TRAPPC2: variants seen among roughly 807,000 people sequenced by gnomAD.
TRAPPC2 encodes the protein trafficking protein particle complex subunit 2.
In TRAPPC2, 4 loss-of-function variants were observed where a neutral mutation model predicts 10.0. The ratio of observed to expected loss-of-function variants is 0.40; its 90% CI spans 0.20 to 0.92. The LOEUF (loss-of-function observed/expected upper bound fraction) is 0.92, where lower values mean the gene tolerates loss of function less well. TRAPPC2 is among the 40% of genes least tolerant of loss of function. TRAPPC2 has a pLI of 0.35. For synonymous variants in TRAPPC2, 36 were observed against 37.3 expected, an observed-to-expected ratio of 0.97 and a Z score of 0.12; for missense variants, 52 against 108.7, an observed-to-expected ratio of 0.48 and a Z score of 2.32.
intron 2 of TRAPPC2, 104 bp from the exon 3 acceptor site, chrX:13,720,086 G>A: frequency 1.7e-6 from 1 of 579,523 alleles, no homozygotes; most frequent in Non-Finnish European, 2.5e-6. Flanking sequence ...ACCTGACATT[G>A]TAGAGGAAGA....
intron 3 of TRAPPC2, among the ~76,000 whole-genome samples, chrX:13,719,019 C>T (rs750821383): frequency 8.2e-5 from 9 of 110,318 alleles, no homozygotes; most frequent in Non-Finnish European, 1.5e-4. Context: ...TAGCCTGGCA[C>T]AGTGGTGCGC....
intron 3 of TRAPPC2, 132 bp from the exon 4 acceptor site, chrX:13,716,810 G>T: frequency 2.1e-6 from 1 of 468,054 alleles, no homozygotes; most frequent in Non-Finnish European, 3.4e-6. Flanking sequence ...CTTTGTTATT[G>T]TCATGAGACT....
intron 2 of TRAPPC2, among the ~76,000 whole-genome samples, chrX:13,730,742 A>G (rs1189480232): frequency 3.6e-5 from 4 of 111,477 alleles, no homozygotes; most frequent in African/African-American, 1.3e-4. Flanking sequence ...CAGCCATAAA[A>G]AAGGATGAGT....
intron 2 of TRAPPC2, chrX:13,721,023 T>C (rs1447881706): frequency 1.8e-5 from 1 of 56,473 alleles, no homozygotes; most frequent in Non-Finnish European, 3.2e-5. Flanking sequence ...TGAGACCCTG[T>C]CTCAAAAAAA....
chrX:13,723,575 C>A (rs2046473800), intron 2 of TRAPPC2, among the ~76,000 whole-genome samples: 1 of 111,865 alleles, frequency 8.9e-6, no homozygotes, highest in Non-Finnish European at 1.9e-5. Flanking sequence ...AAAGCAACTG[C>A]CATTACTGAA....
chrX:13,723,914 T>C (rs1172140329), intron 2 of TRAPPC2, among the ~76,000 whole-genome samples: 2 of 111,379 alleles, frequency 1.8e-5, no homozygotes, highest in African/African-American at 6.5e-5. Flanking sequence ...GATAGGAACA[T>C]TGTCCTGGAT....
chrX:13,715,821 A>C (rs898506928), intron 5 of TRAPPC2, 183 bp downstream of exon 5: 2 of 972,672 alleles, frequency 2.1e-6, no homozygotes, highest in Non-Finnish European at 2.6e-6. Context: ...TGTGTTCCTA[A>C]ATACATATTC....
rs952542582 is a variant in TRAPPC2, at chrX:13,712,315, C to T, written c.*2092G>A. On this transcript the variant is annotated 3_prime_UTR_variant, in exon 6 of 6. Transcript: ENST00000380579. Reference sequence around the variant, plus strand: ...TGCAATTTCACACAAGGATACAAGACAAAGCTTAGAATTACTTGCTCAAAA... The same window carrying T: ...TGCAATTTCACACAAGGATACAAGATAAAGCTTAGAATTACTTGCTCAAAA... 8.9e-6 allele frequency: 1 copy of T among 112,236 alleles called. No homozygotes were observed. Among genetic ancestry groups the T allele is most frequent in the African/African-American group, 3.2e-5 (1 of 30,886 alleles). 9.2% of individuals were successfully genotyped at this position (112,236 alleles called of 1,213,427 possible).
rs1046876502 is a variant in TRAPPC2 at position 13,724,580 on chromosome X, G to C, written c.-19-4598C>G. Among the ~76,000 whole-genome samples the C allele has an allele frequency of 2.7e-5, 3 of 111,551 alleles. No individual in the cohort carries two copies. The East Asian group carries it at 8.5e-4, about 31-fold the overall frequency. ...GCAAGCATGGAAGAAACAAGGTTAG[G>C]CAGGCTGCGAACCTCAAGATAGGTA... is the stretch of plus-strand genomic sequence containing the variant. On this transcript the variant is annotated intron_variant, in intron 2 of 5. Coordinates refer to ENST00000380579, the MANE Select transcript of TRAPPC2 (RefSeq NM_001011658.4).
intron 2 of TRAPPC2, among the ~76,000 whole-genome samples, chrX:13,730,627 T>C (rs976820565): frequency 2.7e-5 from 3 of 111,847 alleles, no homozygotes; most frequent in Admixed American, 1.9e-4. Context: ...CGTATGTTTA[T>C]TGTGGCACTA....
intron 2 of TRAPPC2, chrX:13,722,208 C>CAAAAAAAAAAAAAAAAAAAAAAAAA (rs748574644): frequency 8.3e-5 from 3 of 36,116 alleles, no homozygotes; most frequent in African/African-American, 1.2e-4. Context: ...TAAGCAGCAG[C>CAAAAAAAAAAAAAAAAAAAAAAAAA]AAAAAAAAAA....
chrX:13,717,453 A>AT (rs895437687), intron 3 of TRAPPC2, among the ~76,000 whole-genome samples: 9 of 112,103 alleles, frequency 8.0e-5, no homozygotes, highest in African/African-American at 2.9e-4. Flanking sequence ...TTGAAAATAC[A>AT]TTTTTTGGCC....
At chrX:13,727,011 G>A (rs1351680920) in intron 2 of TRAPPC2, among the ~76,000 whole-genome samples, 1 of 111,889 alleles carries the variant, frequency 8.9e-6, no homozygotes, top group Non-Finnish European at 1.9e-5. Flanking sequence ...AGACAAAGAA[G>A]GCCATTACAT....
Position 13,715,332 on chromosome X carries a change from G to A in TRAPPC2, c.324+672C>T, listed in dbSNP as rs1602706447. ...TACTGAAAATACAAAAATTAGCTGG[G>A]TGTGGTGGTGCACACTTGTGGTCCC... On this transcript the variant is annotated intron_variant, in intron 5 of 5. Coordinates refer to ENST00000380579, the MANE Select transcript of TRAPPC2 (RefSeq NM_001011658.4). Among the ~76,000 whole-genome samples, 6 of 112,071 alleles carry A rather than the reference G, an allele frequency of 5.4e-5. No individual in the cohort carries two copies. The Admixed American group carries it at 5.6e-4, about 11-fold the overall frequency.
chrX:13,722,346 C>T (rs2046438425), intron 2 of TRAPPC2: 1 of 110,220 alleles, frequency 9.1e-6, no homozygotes, highest in Admixed American at 9.7e-5. Context: ...CAGCATGGCG[C>T]TAAGTCAGCA....
At chrX:13,719,205 G>A (rs983775128) in intron 3 of TRAPPC2, among the ~76,000 whole-genome samples, 4 of 106,762 alleles carry the variant, frequency 3.7e-5, no homozygotes, top group Admixed American at 1.0e-4. Flanking sequence ...TAAGCATTTG[G>A]GATGGTAATC....
At chrX:13,726,054 A>G (rs1215541276) in intron 2 of TRAPPC2, among the ~76,000 whole-genome samples, 1 of 112,135 alleles carries the variant, frequency 8.9e-6, no homozygotes, top group Non-Finnish European at 1.9e-5. Flanking sequence ...AAACAAGGTT[A>G]GAGAAAAAAG....
At chrX:13,733,942 T>A in intron 2 of TRAPPC2, 102 bp downstream of exon 2, 1 of 504,023 alleles carries the variant, frequency 2.0e-6, no homozygotes, top group Non-Finnish European at 3.6e-6. Context: ...TGTATCTTAG[T>A]TCTTGTTCAA....
At chrX:13,734,484 T>C in intron 1 of TRAPPC2, 41 bp downstream of exon 1, 1 of 223,481 alleles carries the variant, frequency 4.5e-6, no homozygotes, top group South Asian at 1.4e-4. Flanking sequence ...CTCCAGGGAC[T>C]CAAAACACCC....
Sources: allele counts gnomAD v4.1 joint callset (sites outside exome capture counted in the v4.1 genomes callset), GRCh38; gene constraint gnomAD v4.1.1; transcripts MANE v1.5; gene names NCBI Gene and HGNC (gene_info 2026-07-23, HGNC 2026-07-21).